ZNF438: variants seen among roughly 807,000 people sequenced by gnomAD.
ZNF438 encodes zinc finger protein 438.
ZNF438 carries 25 observed loss-of-function variants against 38.0 expected under a neutral mutation model. The ratio of observed to expected loss-of-function variants is 0.66; its 90% CI spans 0.48 to 0.92. The LOEUF is 0.92. ZNF438 is among the 40% of genes least tolerant of loss of function. The pLI is 0.00. For synonymous variants in ZNF438, 372 were observed against 364.1 expected, an observed-to-expected ratio of 1.02 and a Z score of -0.25; for missense variants, 1,007 against 999.6, an observed-to-expected ratio of 1.01 and a Z score of -0.10.
intron 1 of ZNF438, among the ~76,000 whole-genome samples, chr10:30,955,663 CG>C (rs1458259200): frequency 2.0e-5 from 3 of 152,152 alleles, no homozygotes; most frequent in Non-Finnish European, 4.4e-5. Context: ...TCTCAGTCAA[CG>C]AAACATGCAA....
intron 3 of ZNF438, among the ~76,000 whole-genome samples, chr10:30,897,157 C>T (rs529366813): frequency 2.0e-5 from 3 of 152,262 alleles, no homozygotes; most frequent in Admixed American, 2.0e-4. Context: ...ATCTTCTTAG[C>T]ATATGTCTTT....
At chr10:30,988,141 A>G (rs2053059501) in intron 1 of ZNF438, among the ~76,000 whole-genome samples, 1 of 152,126 alleles carries the variant, frequency 6.6e-6, no homozygotes, top group Non-Finnish European at 1.5e-5. Context: ...TTTTTTTAAT[A>G]GTAGCTTTGA....
At chr10:30,973,834 G>T (rs533575034) in intron 1 of ZNF438, among the ~76,000 whole-genome samples, 1 of 152,140 alleles carries the variant, frequency 6.6e-6, no homozygotes, top group Admixed American at 6.5e-5. Context: ...GTCAGCACTC[G>T]TTCCCAGCTC....
chr10:30,896,147 T>G (rs968177063), intron 3 of ZNF438, among the ~76,000 whole-genome samples: 1 of 151,648 alleles, frequency 6.6e-6, no homozygotes, highest in Non-Finnish European at 1.5e-5. Flanking sequence ...TACAAAAAAA[T>G]TAGCTGGGCA....
chr10:30,845,342 T>C (rs1438825667), exon 6 of ZNF438: 2 of 1,614,054 alleles, frequency 1.2e-6, no homozygotes, highest in Non-Finnish European at 1.7e-6. Context: ...CAGGATGCCT[T>C]TTCCAGTCGG....
chr10:30,898,944 G>T (rs2041679014), intron 3 of ZNF438, among the ~76,000 whole-genome samples: 2 of 152,090 alleles, frequency 1.3e-5, no homozygotes, highest in Admixed American at 1.3e-4. Context: ...CAGATCTTTA[G>T]TTAAGGATGG....
rs112950447 is a variant in ZNF438 at position 30,858,272 on chromosome 10, C to T, written c.38-7905G>A. Among the ~76,000 whole-genome samples the T allele has an allele frequency of 8.1e-3, 1,233 of 152,306 alleles. 9 individuals are homozygous for T. Among genetic ancestry groups the T allele is most frequent in the Non-Finnish European group, 0.013 (909 of 68,032 alleles). On this transcript the variant is annotated intron_variant, in intron 4 of 5. Coordinates refer to ENST00000413025, the Ensembl canonical transcript of ZNF438. ...TATTTTCAATTTCATTCGTTGTTAT[C>T]CCTGTTTTCCCTGCCACTTGGCTTT...
intron 1 of ZNF438, among the ~76,000 whole-genome samples, chr10:30,944,795 G>C (rs146250510): frequency 6.6e-6 from 1 of 152,162 alleles, no homozygotes; most frequent in African/African-American, 2.4e-5. Flanking sequence ...AGGAGAAACG[G>C]TTGTTTCAAG....
intron 1 of ZNF438, among the ~76,000 whole-genome samples, chr10:30,945,262 T>G (rs913621836): frequency 3.3e-5 from 5 of 152,096 alleles, no homozygotes; most frequent in African/African-American, 1.2e-4. Flanking sequence ...TACATCATTA[T>G]GAAATATTTC....
At chr10:30,975,872 T>A (rs1204949698) in intron 1 of ZNF438, among the ~76,000 whole-genome samples, 2 of 152,046 alleles carry the variant, frequency 1.3e-5, no homozygotes, top group African/African-American at 4.8e-5. Context: ...TAAAAGTTAA[T>A]AAAATAAATT....
chr10:30,985,894 A>G (rs2052725141), intron 1 of ZNF438, among the ~76,000 whole-genome samples: 1 of 152,184 alleles, frequency 6.6e-6, no homozygotes, highest in Admixed American at 6.5e-5. Context: ...ATAGTCATCC[A>G]CTGCATGATG....
chr10:31,000,762 T>C (rs1352968868), intron 1 of ZNF438, among the ~76,000 whole-genome samples: 1 of 149,126 alleles, frequency 6.7e-6, no homozygotes, highest in African/African-American at 2.5e-5. Context: ...AATTGTCACA[T>C]AGAAAAGCAT....
At chr10:30,960,301 TTA>T (rs2049323949) in intron 1 of ZNF438, among the ~76,000 whole-genome samples, 1 of 147,252 alleles carries the variant, frequency 6.8e-6, no homozygotes, top group African/African-American at 2.4e-5. Context: ...CATCAATTTT[TTA>T]TCTTATGGCT....
intron 4 of ZNF438, among the ~76,000 whole-genome samples, chr10:30,851,681 T>G (rs1325325906): frequency 1.3e-5 from 2 of 152,222 alleles, no homozygotes; most frequent in African/African-American, 4.8e-5. Flanking sequence ...GTTGGACAAA[T>G]GAAGATTTTT....
At chr10:30,846,244 G>T (rs1182249577) in intron 5 of ZNF438, among the ~76,000 whole-genome samples, 1 of 152,206 alleles carries the variant, frequency 6.6e-6, no homozygotes, top group Non-Finnish European at 1.5e-5. Flanking sequence ...AAGAGGAGAA[G>T]ATTTCATATT....
chr10:31,000,987 C>T (rs1358112071), intron 1 of ZNF438, among the ~76,000 whole-genome samples: 2 of 152,136 alleles, frequency 1.3e-5, no homozygotes, highest in African/African-American at 4.8e-5. Flanking sequence ...TTCTAAAGTC[C>T]TGTTCGAGAG....
chr10:30,924,191 G>A (rs1467935735), intron 2 of ZNF438, among the ~76,000 whole-genome samples: 1 of 152,164 alleles, frequency 6.6e-6, no homozygotes, highest in African/African-American at 2.4e-5. Context: ...AAACACCAGA[G>A]GTTTGGTCTA....
intron 1 of ZNF438, among the ~76,000 whole-genome samples, chr10:31,021,260 T>C (rs2056573545): frequency 6.6e-6 from 1 of 152,184 alleles, no homozygotes; most frequent in Non-Finnish European, 1.5e-5. Context: ...CTGACTTCTA[T>C]AACTTCTAAG....
At chr10:30,909,561 C>CTACTCACT (rs2042890142) in intron 2 of ZNF438, among the ~76,000 whole-genome samples, 1 of 152,118 alleles carries the variant, frequency 6.6e-6, no homozygotes, top group Non-Finnish European at 1.5e-5. Context: ...TTTTCTTTTC[C>CTACTCACT]TACTCACTTT....
Sources: gnomAD v4.1 joint callset for allele counts (sites outside exome capture counted in the v4.1 genomes callset) on GRCh38, gnomAD v4.1.1 for gene constraint, MANE v1.5 for transcripts, NCBI Gene and HGNC (gene_info 2026-07-23, HGNC 2026-07-21) for gene names.